The following AGFG1 variants were observed in gnomAD, a reference collection of about 807,000 sequenced individuals.
AGFG1 encodes arf-GAP domain and FG repeat-containing protein 1.
A neutral mutation model predicts 60.6 loss-of-function variants in AGFG1; 10 were observed. That is an observed-to-expected ratio of 0.16 (90% CI 0.10 to 0.28). The LOEUF (loss-of-function observed/expected upper bound fraction) is 0.28, where lower values mean the gene tolerates loss of function less well. Among genes scored for constraint, AGFG1 ranks in the 10% least tolerant of loss-of-function variants. The probability of loss-of-function intolerance (pLI) is 1.00; values close to 1 mark genes in which losing one functional copy is unlikely to be tolerated. For missense variants in AGFG1, 537 were observed against 676.5 expected (o/e 0.79, Z 2.29); for synonymous variants, 247 against 242.9 (o/e 1.02, Z -0.16).
At position 227,555,612 on chromosome 2, in the gene AGFG1, G is replaced by A; in HGVS notation, c.*1117G>A. The A allele has an allele frequency of 6.6e-6, 1 of 152,284 alleles. No individual in the cohort carries two copies. Among genetic ancestry groups the A allele is most frequent in the Middle Eastern group, 3.2e-3 (1 of 316 alleles). The allele number at this position is 152,284 out of a possible 1,614,324, so 9.4% of individuals were successfully genotyped here. A position where few individuals can be genotyped will look rare whatever the true frequency, so the allele number is the denominator to read the frequency against. On this transcript the variant is annotated 3_prime_UTR_variant, in exon 13 of 13. Transcript: ENST00000310078. ...TATTTGTTTATGTTTGTTTTTTGGGGGAAAGAAACTGGAACTCAGTGTTAC... is the reference window on the plus strand; with the variant it reads ...TATTTGTTTATGTTTGTTTTTTGGGAGAAAGAAACTGGAACTCAGTGTTAC...
intron 1 of AGFG1, among the ~76,000 whole-genome samples, chr2:227,478,422 A>C (rs1001118129): frequency 1.3e-5 from 2 of 151,946 alleles, no homozygotes; most frequent in Non-Finnish European, 2.9e-5. Context: ...GGTTCACTGC[A>C]GCCTTGACCT....
Position 227,552,063 on chromosome 2 carries a change from T to A in AGFG1, c.1483T>A (p.Phe495Ile). 6.2e-7 allele frequency: 1 copy of A among 1,614,208 alleles called. No individual in the cohort carries two copies. Among genetic ancestry groups the A allele is most frequent in the South Asian group, 1.1e-5 (1 of 91,086 alleles). ...TAGTGGCAGCTTTCAGCAGCCTGCC[T>A]TTCCAGCCCAAGCAGCTTTCCCTCA... ...SFSGSFQQPA[F>I]PAQAAFPQQT... The change falls in exon 11 of 13, where the codon TTT becomes ATT. Residue 495 changes from phenylalanine to isoleucine, a missense_variant. Phe to Ile is a conservative substitution (Grantham distance 21). Coordinates refer to ENST00000310078, the MANE Select transcript of AGFG1 (RefSeq NM_004504.5).
At chr2:227,486,083 T>C (rs769741891) in intron 1 of AGFG1, among the ~76,000 whole-genome samples, 1 of 152,200 alleles carries the variant, frequency 6.6e-6, no homozygotes, top group Non-Finnish European at 1.5e-5. Context: ...CCTGAAGGTA[T>C]TTTATTTCCC....
intron 10 of AGFG1, among the ~76,000 whole-genome samples, chr2:227,546,942 C>T (rs1179397008): frequency 6.6e-6 from 1 of 152,108 alleles, no homozygotes; most frequent in Non-Finnish European, 1.5e-5. Context: ...TGGCATCTGG[C>T]CCTCAGATCT....
intron 10 of AGFG1, among the ~76,000 whole-genome samples, chr2:227,538,378 AT>A (rs1692376216): frequency 6.6e-6 from 1 of 152,304 alleles, no homozygotes; most frequent in South Asian, 2.1e-4. Context: ...AGCCTTTTGA[AT>A]TTTGTTCTTT....
intron 5 of AGFG1, among the ~76,000 whole-genome samples, chr2:227,528,211 T>A (rs1692053686): frequency 6.6e-6 from 1 of 152,218 alleles, no homozygotes; most frequent in African/African-American, 2.4e-5. Context: ...AGAAGGAAAC[T>A]GGCGTAATTT....
chr2:227,510,545 G>A (rs1044100348), intron 2 of AGFG1, among the ~76,000 whole-genome samples: 6 of 152,160 alleles, frequency 3.9e-5, no homozygotes, highest in African/African-American at 1.4e-4. Flanking sequence ...GGGGTGAGTT[G>A]AGAGGGGGCT....
chr2:227,534,078 G>A (rs985090153), intron 7 of AGFG1, among the ~76,000 whole-genome samples: 5 of 151,994 alleles, frequency 3.3e-5, no homozygotes, highest in African/African-American at 1.2e-4. Context: ...CTGAATGGAG[G>A]ATTATTTGGT....
chr2:227,535,619 A>G (rs777027460), intron 8 of AGFG1, among the ~76,000 whole-genome samples: 2 of 152,216 alleles, frequency 1.3e-5, no homozygotes, highest in Non-Finnish European at 2.9e-5. Flanking sequence ...AGTTGCGGAA[A>G]TAGTCTCAGA....
intron 2 of AGFG1, among the ~76,000 whole-genome samples, chr2:227,505,192 A>G (rs527794141): frequency 1.3e-4 from 17 of 126,320 alleles, no homozygotes; most frequent in African/African-American, 4.5e-4. Flanking sequence ...TTTGAAATTT[A>G]CTTTATCTCA....
intron 2 of AGFG1, among the ~76,000 whole-genome samples, chr2:227,518,769 G>A (rs1036878463): frequency 1.3e-5 from 2 of 151,894 alleles, no homozygotes; most frequent in Admixed American, 1.3e-4. Context: ...CAGGTGATCC[G>A]CCTGCACCCG....
At chr2:227,485,290 G>A (rs189262205) in intron 1 of AGFG1, among the ~76,000 whole-genome samples, 5 of 138,978 alleles carry the variant, frequency 3.6e-5, no homozygotes, top group African/African-American at 1.1e-4. Context: ...AGGCTAGAGT[G>A]CAATGGCGTG....
chr2:227,488,025 A>C (rs1690690611), intron 1 of AGFG1, among the ~76,000 whole-genome samples: 1 of 152,258 alleles, frequency 6.6e-6, no homozygotes, highest in Admixed American at 6.5e-5. Flanking sequence ...CAATTTATGT[A>C]ATAAGTGTAG....
intron 1 of AGFG1, among the ~76,000 whole-genome samples, chr2:227,488,890 T>C (rs1020759112): frequency 2.0e-5 from 3 of 152,228 alleles, no homozygotes; most frequent in African/African-American, 4.8e-5. Flanking sequence ...CTTGGCTCAC[T>C]GCACCCTCTG....
intron 2 of AGFG1, among the ~76,000 whole-genome samples, chr2:227,496,125 G>GA (rs763518080): frequency 2.1e-5 from 3 of 143,224 alleles, no homozygotes; most frequent in African/African-American, 2.6e-5. Context: ...AAAAAAAAAA[G>GA]AAAAAAAAAG....
At chr2:227,547,108 C>A (rs1692673688) in intron 10 of AGFG1, among the ~76,000 whole-genome samples, 2 of 152,238 alleles carry the variant, frequency 1.3e-5, no homozygotes, top group Admixed American at 6.5e-5. Context: ...ATTTATACTT[C>A]AGTTTCACAT....
chr2:227,552,537 T>A (rs528267563), intron 11 of AGFG1, among the ~76,000 whole-genome samples: 1 of 152,310 alleles, frequency 6.6e-6, no homozygotes, highest in African/African-American at 2.4e-5. Context: ...GTAACTATAC[T>A]GTAGTTAGAG....
rs1053736076 is a variant in AGFG1 at position 227,531,224 on chromosome 2, A to T, written c.814+14A>T. 6.8e-6 allele frequency: 11 copies of T among 1,608,658 alleles called. No individual in the cohort carries two copies. Among genetic ancestry groups the T allele is most frequent in the Middle Eastern group, 1.7e-4 (1 of 6,048 alleles). ...CCCAAACTACAGGTAGAGCTTCTCCAGCATTGTGCTTAAATGTTTACTTTA... is the reference window on the plus strand; with the variant it reads ...CCCAAACTACAGGTAGAGCTTCTCCTGCATTGTGCTTAAATGTTTACTTTA... On this transcript the variant is annotated intron_variant, in intron 6 of 12. Transcript: ENST00000310078.
chr2:227,545,164 C>T (rs190392592), intron 10 of AGFG1, among the ~76,000 whole-genome samples: 46 of 152,258 alleles, frequency 3.0e-4, no homozygotes, highest in African/African-American at 7.7e-4. Context: ...TTTCTTTTTA[C>T]TCTTTTTTCT....
Sources: allele counts gnomAD v4.1 joint callset (sites outside exome capture counted in the v4.1 genomes callset), GRCh38; gene constraint gnomAD v4.1.1; transcripts MANE v1.5; gene names NCBI Gene and HGNC (gene_info 2026-07-23, HGNC 2026-07-21).